The following RFTN1 variants were observed in gnomAD, a reference collection of about 807,000 sequenced individuals.
The protein encoded by RFTN1 is raftlin.
In RFTN1, 26 loss-of-function variants were observed where a neutral mutation model predicts 46.5. That is an observed-to-expected ratio of 0.56 (90% CI 0.41 to 0.78). The LOEUF is 0.78. Ranked by LOEUF, RFTN1 falls within the 30% of genes least tolerant of loss-of-function variation. The pLI is 0.00. For synonymous variants in RFTN1, 261 were observed against 284.2 expected, an observed-to-expected ratio of 0.92 and a Z score of 0.82; for missense variants, 693 against 718.7, an observed-to-expected ratio of 0.96 and a Z score of 0.41.
Position 16,381,002 on chromosome 3 carries a change from A to AGGT in RFTN1, c.442-2901_442-2900insACC, listed in dbSNP as rs2073973854. ...AGCCCCTACACTGGTCCAGGCCAACACGGTGCTTAGGTACCAGGAATGTAA... is the reference window on the plus strand; with the variant it reads ...AGCCCCTACACTGGTCCAGGCCAACAGGTCGGTGCTTAGGTACCAGGAATGTAA... On this transcript the variant is annotated intron_variant, in intron 4 of 9. Coordinates refer to ENST00000334133, the MANE Select transcript of RFTN1 (RefSeq NM_015150.2). The surrounding 1 kb of genome is among the most constrained non-coding windows in gnomAD (Gnocchi z 4.2). Among the ~76,000 whole-genome samples the AGGT allele has an allele frequency of 6.6e-6, 1 of 152,224 alleles. No homozygotes were observed. Among genetic ancestry groups the AGGT allele is most frequent in the Non-Finnish European group, 1.5e-5 (1 of 68,048 alleles).
At position 16,451,978 on chromosome 3, in the gene RFTN1, T is replaced by C. The variant is rs2075829271; in HGVS notation, c.146-17941A>G. Among the ~76,000 whole-genome samples, 1 of 152,118 alleles carries C rather than the reference T, an allele frequency of 6.6e-6. No homozygotes were observed. The highest frequency in any genetic ancestry group is 2.1e-4 in the South Asian group (1 of 4,836). On this transcript the variant is annotated intron_variant, in intron 2 of 9. Transcript: ENST00000334133. This position sits in a 1 kb window ranked among gnomAD's most constrained non-coding sequence, Gnocchi z 4.2. ...GTGGAACTGATCACTGAGTGGCCAC[T>C]AAGTGAGTAATGGGTGGGTATATTA... is the stretch of plus-strand genomic sequence containing the variant.
intron 4 of RFTN1, among the ~76,000 whole-genome samples, chr3:16,406,127 T>C (rs2074850478): frequency 6.6e-6 from 1 of 152,208 alleles, no homozygotes; most frequent in African/African-American, 2.4e-5. Context: ...ACATGTAAAA[T>C]TCAGCCATCA....
At chr3:16,503,520 G>A (rs188880986) in intron 1 of RFTN1, among the ~76,000 whole-genome samples, 2 of 152,240 alleles carry the variant, frequency 1.3e-5, no homozygotes, top group East Asian at 3.9e-4. Flanking sequence ...AGCCAGGGTT[G>A]AGCATCAGTG....
intron 4 of RFTN1, among the ~76,000 whole-genome samples, chr3:16,379,956 T>C (rs1262250518): frequency 6.6e-6 from 1 of 152,202 alleles, no homozygotes; most frequent in Non-Finnish European, 1.5e-5. Context: ...AGAAAGGCAA[T>C]GGGTTTTACA....
chr3:16,363,687 A>C (rs113444817), intron 6 of RFTN1, among the ~76,000 whole-genome samples: 1 of 152,178 alleles, frequency 6.6e-6, no homozygotes, highest in Non-Finnish European at 1.5e-5. Context: ...CATTTGGTCT[A>C]TTTTTGCAGG....
Position 16,356,505 on chromosome 3 carries a change from C to T in RFTN1, c.1146+1427G>A, listed in dbSNP as rs2072444070. On this transcript the variant is annotated intron_variant, in intron 7 of 9. Transcript: ENST00000334133. The surrounding 1 kb of genome is among the most constrained non-coding windows in gnomAD (Gnocchi z 4.9). ...CAGACGCAGGTATGCCCCCCAACAG[C>T]CTTGCTCCTCACTTCACGTGTGCTG... 6.6e-6 allele frequency among the ~76,000 whole-genome samples: 1 copy of T among 152,158 alleles called. No individual in the cohort carries two copies. Among genetic ancestry groups the T allele is most frequent in the Non-Finnish European group, 1.5e-5 (1 of 68,030 alleles).
intron 1 of RFTN1, among the ~76,000 whole-genome samples, chr3:16,503,162 G>A (rs576879584): frequency 9.9e-5 from 15 of 152,162 alleles, no homozygotes; most frequent in African/African-American, 3.4e-4. Flanking sequence ...GTCCATCTCT[G>A]CTCTGCTGCT....
chr3:16,354,006 T>C (rs574083), intron 7 of RFTN1, among the ~76,000 whole-genome samples: 63,538 of 152,030 alleles, frequency 0.42, 14,002 homozygotes, highest in East Asian at 0.53. Context: ...AGCTGTGTTT[T>C]AAAAAGTTCT....
At chr3:16,393,530 C>T (rs186910205) in intron 4 of RFTN1, among the ~76,000 whole-genome samples, 29 of 152,284 alleles carry the variant, frequency 1.9e-4, no homozygotes, top group African/African-American at 6.5e-4. Context: ...CATTTACATA[C>T]GTTCAAGATC....
chr3:16,482,159 C>T (rs1255981783), intron 2 of RFTN1, among the ~76,000 whole-genome samples: 2 of 152,144 alleles, frequency 1.3e-5, no homozygotes, highest in African/African-American at 2.4e-5. Context: ...TCCCAGGCAG[C>T]AGCAAGACAC....
At chr3:16,378,436 A>T (rs2073866788) in intron 4 of RFTN1, among the ~76,000 whole-genome samples, 1 of 152,234 alleles carries the variant, frequency 6.6e-6, no homozygotes. Flanking sequence ...AAAGAGTTTG[A>T]AGGAGGAAGT....
At position 16,391,858 on chromosome 3, in the gene RFTN1, G is replaced by GTTTTTTTTTTTTTTTTTTTTTTT. The variant is rs1272551461; in HGVS notation, c.442-13757_442-13756insAAAAAAAAAAAAAAAAAAAAAAA. Among the ~76,000 whole-genome samples, 4 of 49,152 alleles carry GTTTTTTTTTTTTTTTTTTTTTTT rather than the reference G, an allele frequency of 8.1e-5. 2 individuals are homozygous for GTTTTTTTTTTTTTTTTTTTTTTT. The highest frequency in any genetic ancestry group is 1.7e-3 in the South Asian group (2 of 1,168). The allele number at this position is 49,152 out of a possible 152,430, so 32.2% of individuals were successfully genotyped here. ...TAGAGATTATCATTCTAGTGCAAAG[G>GTTTTTTTTTTTTTTTTTTTTTTT]TTTTTTTTTTGTTTTTTTTTTTTGT... On this transcript the variant is annotated intron_variant, in intron 4 of 9. Coordinates refer to ENST00000334133, the MANE Select transcript of RFTN1 (RefSeq NM_015150.2).
chr3:16,324,819 A>G (rs1443048519), intron 8 of RFTN1, among the ~76,000 whole-genome samples: 1 of 152,114 alleles, frequency 6.6e-6, no homozygotes, highest in Non-Finnish European at 1.5e-5. Flanking sequence ...TACTGATTTC[A>G]GTTCCTTTGG....
chr3:16,493,801 C>T lies in RFTN1; in HGVS notation c.69G>A (p.Leu23=), dbSNP rs769579277. The change falls in exon 2 of 10, where the codon TTG becomes TTA. Residue 23 remains leucine (L), a synonymous_variant. Coordinates refer to ENST00000334133, the MANE Select transcript of RFTN1 (RefSeq NM_015150.2). The stretch of plus-strand genomic sequence containing the variant: ...TCTTGGTTTCCACCTGAGGCCTCTT[C>T]AAAGTTGAATAAATATTCCCAGGCC... ...EKRPGNIYST[L]KRPQVETKID... 6.2e-7 allele frequency: 1 copy of T among 1,614,088 alleles called. No homozygotes were observed. Among genetic ancestry groups the T allele is most frequent in the Admixed American group, 1.7e-5 (1 of 60,010 alleles).
At chr3:16,423,924 A>G (rs1324497252) in intron 3 of RFTN1, among the ~76,000 whole-genome samples, 1 of 152,242 alleles carries the variant, frequency 6.6e-6, no homozygotes, top group Non-Finnish European at 1.5e-5. Flanking sequence ...GGGAGCAGAG[A>G]GAAAATAACA....
chr3:16,338,114 G>A lies in RFTN1; in HGVS notation c.1147-11238C>T, dbSNP rs779657601. ...AACATTCTCCTGGATTCTGGGACAC[G>A]CTGGGTGATCTGGTCCTGGTACATG... is the stretch of plus-strand genomic sequence containing the variant. On this transcript the variant is annotated intron_variant, in intron 7 of 9. Coordinates refer to ENST00000334133, the MANE Select transcript of RFTN1 (RefSeq NM_015150.2). This position sits in a 1 kb window ranked among gnomAD's most constrained non-coding sequence, Gnocchi z 5.3. 1.3e-5 allele frequency among the ~76,000 whole-genome samples: 2 copies of A among 152,238 alleles called. No individual in the cohort carries two copies. The highest frequency in any genetic ancestry group is 2.9e-5 in the Non-Finnish European group (2 of 68,042).
At chr3:16,493,954 G>A (rs1408295106) in intron 1 of RFTN1, 77 bp from the exon 2 acceptor site, 2 of 1,525,784 alleles carry the variant, frequency 1.3e-6, no homozygotes, top group African/African-American at 2.8e-5. Flanking sequence ...TATAAAAGAT[G>A]CCGTAATTTT....
intron 2 of RFTN1, among the ~76,000 whole-genome samples, chr3:16,464,071 C>T (rs749325449): frequency 1.1e-4 from 17 of 152,084 alleles, no homozygotes; most frequent in Non-Finnish European, 2.4e-4. Flanking sequence ...TTCTGCTTTC[C>T]GGAGGGATTC....
At position 16,506,035 on chromosome 3, in the gene RFTN1, CAAAT is replaced by C. The variant is rs1402489866; in HGVS notation, c.-9+7403_-9+7406del. ...AGCCGAGAAACAGGCAATAGACAAA[CAAAT>C]AAAAATAATACACAAAATCCCATTT... On this transcript the variant is annotated intron_variant, in intron 1 of 9. Coordinates refer to ENST00000334133, the MANE Select transcript of RFTN1 (RefSeq NM_015150.2). This position sits in a 1 kb window ranked among gnomAD's most constrained non-coding sequence, Gnocchi z 4.8. 6.6e-6 allele frequency among the ~76,000 whole-genome samples: 1 copy of C among 152,074 alleles called. No homozygotes were observed. The highest frequency in any genetic ancestry group is 1.9e-4 in the East Asian group (1 of 5,200).
Sources: gnomAD v4.1 joint callset for allele counts (sites outside exome capture counted in the v4.1 genomes callset) on GRCh38, gnomAD v4.1.1 for gene constraint, Gnocchi (gnomAD v3.1) non-coding constraint, MANE v1.5 for transcripts, NCBI Gene and HGNC (gene_info 2026-07-23, HGNC 2026-07-21) for gene names.